The following NXPE4 variants were observed in gnomAD, a reference collection of about 807,000 sequenced individuals.
NXPE4 encodes the protein neurexophilin and PC-esterase domain family member 4, also known as NXPE family member 4.
NXPE4 carries 42 observed loss-of-function variants against 33.3 expected under a neutral mutation model. The ratio of observed to expected loss-of-function variants is 1.26; its 90% CI spans 0.98 to 1.63. The LOEUF (loss-of-function observed/expected upper bound fraction) is 1.63. Ranked by LOEUF, NXPE4 falls within the 40% of genes most tolerant of loss-of-function variation. The pLI is 0.00. For synonymous variants in NXPE4, 253 were observed against 234.9 expected, an observed-to-expected ratio of 1.08 and a Z score of -0.71; for missense variants, 709 against 647.6, an observed-to-expected ratio of 1.09 and a Z score of -1.03.
intron 4 of NXPE4, among the ~76,000 whole-genome samples, 180 bp downstream of exon 4, chr11:114,581,545 T>G (rs1565332240): frequency 6.6e-6 from 1 of 152,228 alleles, no homozygotes; most frequent in East Asian, 1.9e-4. Context: ...AATAGGCTTA[T>G]GATATTCCAG....
chr11:114,630,044 A>G, the NXPE4 span, among the ~76,000 whole-genome samples: 1 of 151,520 alleles, frequency 6.6e-6, no homozygotes, highest in South Asian at 2.1e-4. Context: ...ATGGAAGAAC[A>G]TTCCATGCTC....
chr11:114,617,073 T>G, the NXPE4 span, among the ~76,000 whole-genome samples: 1 of 151,696 alleles, frequency 6.6e-6, no homozygotes, highest in South Asian at 2.1e-4. Context: ...GCCTCTTGGG[T>G]AACAACTGTT....
intron 2 of NXPE4, among the ~76,000 whole-genome samples, chr11:114,593,137 C>G (rs144877007): frequency 9.2e-5 from 14 of 151,902 alleles, no homozygotes; most frequent in African/African-American, 2.7e-4. Flanking sequence ...TTGGATAAGA[C>G]CTCAAATGCA....
chr11:114,662,330 C>T, the NXPE4 span, among the ~76,000 whole-genome samples: 1 of 152,190 alleles, frequency 6.6e-6, no homozygotes, highest in African/African-American at 2.4e-5. Flanking sequence ...TGCCCACCCA[C>T]AGATAGAGCA....
At chr11:114,668,840 C>T in the NXPE4 span, among the ~76,000 whole-genome samples, 1 of 152,006 alleles carries the variant, frequency 6.6e-6, no homozygotes, top group Non-Finnish European at 1.5e-5. Context: ...TGGACAAAAT[C>T]ATCAAAAACA....
chr11:114,581,287 GC>G (rs1190280742), intron 4 of NXPE4, among the ~76,000 whole-genome samples: 1 of 152,124 alleles, frequency 6.6e-6, no homozygotes, highest in Non-Finnish European at 1.5e-5. Context: ...TTGAAAGGTG[GC>G]AAAGATCAAG....
At chr11:114,602,359 AAT>A in the NXPE4 span, among the ~76,000 whole-genome samples, 3 of 127,080 alleles carry the variant, frequency 2.4e-5, no homozygotes, top group Admixed American at 9.4e-5. Context: ...TACTATATAT[AAT>A]ATGTTATATA....
At chr11:114,588,092 C>A (rs1342711477) in intron 2 of NXPE4, among the ~76,000 whole-genome samples, 1 of 152,108 alleles carries the variant, frequency 6.6e-6, no homozygotes, top group Non-Finnish European at 1.5e-5. Flanking sequence ...ATCAGGAGGG[C>A]CCAAAGGGAA....
chr11:114,671,576 A>G, the NXPE4 span, among the ~76,000 whole-genome samples: 2 of 152,042 alleles, frequency 1.3e-5, no homozygotes, highest in Non-Finnish European at 2.9e-5. Flanking sequence ...TAACCACAAT[A>G]AGACTAACAA....
At chr11:114,626,928 GATGAA>G in the NXPE4 span, among the ~76,000 whole-genome samples, 12 of 151,986 alleles carry the variant, frequency 7.9e-5, no homozygotes, top group Non-Finnish European at 1.5e-4. Context: ...AGTGATGGAA[GATGAA>G]ATGAATGAAA....
the NXPE4 span, among the ~76,000 whole-genome samples, chr11:114,674,369 G>A: frequency 5.5e-3 from 832 of 151,822 alleles, 2 homozygotes; most frequent in Non-Finnish European, 7.9e-3. Flanking sequence ...ATCATCAAGT[G>A]TCTATGGAGC....
At chr11:114,656,029 C>A in the NXPE4 span, among the ~76,000 whole-genome samples, 1 of 152,066 alleles carries the variant, frequency 6.6e-6, no homozygotes, top group African/African-American at 2.4e-5. Flanking sequence ...TTAGAAAACC[C>A]CATCATCTCA....
chr11:114,636,044 C>T, the NXPE4 span, among the ~76,000 whole-genome samples: 1 of 151,870 alleles, frequency 6.6e-6, no homozygotes, highest in Non-Finnish European at 1.5e-5. Flanking sequence ...GGAACGGTAC[C>T]AGTTCCTCCT....
the NXPE4 span, among the ~76,000 whole-genome samples, chr11:114,632,975 ATTATATATTT>A: frequency 9.6e-6 from 1 of 103,660 alleles, no homozygotes; most frequent in East Asian, 2.5e-4. Context: ...TATATTATAT[ATTATATATTT>A]TTATATAATA....
At chr11:114,638,571 C>A in the NXPE4 span, among the ~76,000 whole-genome samples, 2 of 151,818 alleles carry the variant, frequency 1.3e-5, no homozygotes, top group Non-Finnish European at 2.9e-5. Context: ...TTTTTCTGCT[C>A]TGTTTTTTCC....
the NXPE4 span, among the ~76,000 whole-genome samples, chr11:114,627,835 C>G: frequency 1.3e-5 from 2 of 150,858 alleles, no homozygotes; most frequent in Non-Finnish European, 3.0e-5. Context: ...ATCTACCAAG[C>G]AAATGGAAAA....
At chr11:114,626,465 C>A in the NXPE4 span, among the ~76,000 whole-genome samples, 30 of 152,102 alleles carry the variant, frequency 2.0e-4, no homozygotes, top group Admixed American at 2.0e-3. Context: ...AGCTGACGGT[C>A]CTGTCTGTTA....
upstream of NXPE4, among the ~76,000 whole-genome samples, chr11:114,600,075 A>G (rs1949620125): frequency 6.6e-6 from 1 of 152,214 alleles, no homozygotes; most frequent in South Asian, 2.1e-4. Flanking sequence ...CTCTTCAGTA[A>G]TAATTGCTGT....
chr11:114,652,602 GTTA>G, the NXPE4 span, among the ~76,000 whole-genome samples: 1 of 152,186 alleles, frequency 6.6e-6, no homozygotes, highest in Admixed American at 6.5e-5. Flanking sequence ...TATGTTAACT[GTTA>G]TTGTCATAAT....
Sources: allele counts gnomAD v4.1 joint callset (sites outside exome capture counted in the v4.1 genomes callset), GRCh38; gene constraint gnomAD v4.1.1; transcripts MANE v1.5; gene names NCBI Gene and HGNC (gene_info 2026-07-23, HGNC 2026-07-21).